The following RORA variants were observed in gnomAD, a reference collection of about 807,000 sequenced individuals.
The protein encoded by RORA is nuclear receptor ROR-alpha.
In RORA, 7 loss-of-function variants were observed where a neutral mutation model predicts 69.5. The observed-to-expected ratio is 0.10, with a 90% CI of 0.06 to 0.19. RORA has a LOEUF of 0.19. RORA is among the 10% of genes least tolerant of loss of function. The pLI is 1.00. For synonymous variants in RORA, 261 were observed against 240.8 expected, an observed-to-expected ratio of 1.08 and a Z score of -0.78; for missense variants, 457 against 663.0, an observed-to-expected ratio of 0.69 and a Z score of 3.41.
intron 1 of RORA, among the ~76,000 whole-genome samples, chr15:60,709,018 G>C (rs918971664): frequency 2.0e-5 from 3 of 152,120 alleles, no homozygotes; most frequent in African/African-American, 7.2e-5. Context: ...CCTATCCTAG[G>C]GAAGCTCCTG....
intron 1 of RORA, among the ~76,000 whole-genome samples, chr15:60,768,760 C>G (rs573223768): frequency 1.3e-5 from 2 of 152,256 alleles, no homozygotes; most frequent in African/African-American, 4.8e-5. Flanking sequence ...TTTGTTATTT[C>G]TAATGAACTC....
At chr15:60,773,312 C>T (rs1055731049) in intron 1 of RORA, among the ~76,000 whole-genome samples, 4 of 151,890 alleles carry the variant, frequency 2.6e-5, no homozygotes, top group African/African-American at 9.7e-5. Flanking sequence ...TACTGAAAAC[C>T]TTTTTTTTCT....
At chr15:60,908,101 T>C (rs17303244) in intron 1 of RORA, among the ~76,000 whole-genome samples, 19,153 of 152,172 alleles carry the variant, frequency 0.13, 1,904 homozygotes, top group East Asian at 0.53. Flanking sequence ...TCTCTGCCCA[T>C]AGCTCACCCA....
chr15:60,884,840 C>A (rs1355423220), intron 1 of RORA, among the ~76,000 whole-genome samples: 2 of 152,156 alleles, frequency 1.3e-5, no homozygotes, highest in Non-Finnish European at 2.9e-5. Context: ...CCCAAAAGAG[C>A]ACGGGAGTCA....
chr15:60,679,645 T>G (rs1160736668), intron 1 of RORA, among the ~76,000 whole-genome samples: 1 of 152,176 alleles, frequency 6.6e-6, no homozygotes. Flanking sequence ...TATTTAACCC[T>G]CCTTTGGAAA....
At chr15:60,826,912 T>C (rs1191082851) in intron 1 of RORA, among the ~76,000 whole-genome samples, 1 of 152,150 alleles carries the variant, frequency 6.6e-6, no homozygotes, top group African/African-American at 2.4e-5. Context: ...AGGTATATAA[T>C]TGGAGTCTGG....
rs2072872011 is a variant in RORA at position 60,819,913 on chromosome 15, C to A, written c.167-141227G>T. 2.0e-5 allele frequency among the ~76,000 whole-genome samples: 3 copies of A among 152,190 alleles called. No homozygotes were observed. In the South Asian group the frequency reaches 6.2e-4, roughly 31 times the overall value. ...CTTAAGTGAATCCCTGTGTTCTGAA[C>A]CGATCCTGCCTGCTTCCCTGCCTGC... On this transcript the variant is annotated intron_variant, in intron 1 of 10. Coordinates refer to ENST00000335670, the MANE Select transcript of RORA (RefSeq NM_134261.3).
chr15:60,972,697 C>A (rs775028536), intron 1 of RORA, among the ~76,000 whole-genome samples: 3 of 152,128 alleles, frequency 2.0e-5, no homozygotes, highest in Non-Finnish European at 4.4e-5. Flanking sequence ...CCAGGAAAAT[C>A]ATTTCAACTT....
At chr15:60,928,107 G>T (rs1595822409) in intron 1 of RORA, among the ~76,000 whole-genome samples, 1 of 152,214 alleles carries the variant, frequency 6.6e-6, no homozygotes, top group East Asian at 1.9e-4. Context: ...AATCTCTCTG[G>T]AACACTGAAC....
chr15:60,840,489 A>G (rs137938787), intron 1 of RORA, among the ~76,000 whole-genome samples: 38 of 152,370 alleles, frequency 2.5e-4, no homozygotes, highest in East Asian at 1.9e-3. Context: ...GCCATGACTC[A>G]TAGAACCCTG....
chr15:60,745,201 TA>T, intron 1 of RORA, among the ~76,000 whole-genome samples: 1 of 152,266 alleles, frequency 6.6e-6, no homozygotes, highest in South Asian at 2.1e-4. Flanking sequence ...TCGCACACTC[TA>T]AATTTGCTTC....
intron 4 of RORA, among the ~76,000 whole-genome samples, chr15:60,514,324 C>T (rs1326743284): frequency 6.6e-6 from 1 of 152,126 alleles, no homozygotes; most frequent in Non-Finnish European, 1.5e-5. Context: ...AGTCAATCGA[C>T]CCACCTATAA....
chr15:60,875,136 A>T (rs973718145), intron 1 of RORA, among the ~76,000 whole-genome samples: 1 of 152,206 alleles, frequency 6.6e-6, no homozygotes, highest in East Asian at 1.9e-4. Context: ...CTGACCCCTA[A>T]GCTGGAATGT....
At chr15:60,548,915 G>A (rs941590587) in intron 2 of RORA, among the ~76,000 whole-genome samples, 4 of 152,118 alleles carry the variant, frequency 2.6e-5, no homozygotes, top group African/African-American at 7.2e-5. Context: ...ATGAGCCACC[G>A]CGCCTGGCCA....
At chr15:61,138,638 G>C (rs2140859150) in intron 1 of RORA, among the ~76,000 whole-genome samples, 1 of 152,152 alleles carries the variant, frequency 6.6e-6, no homozygotes, top group South Asian at 2.1e-4. Flanking sequence ...CATAGATAGA[G>C]AAGCTCCTAG....
intron 1 of RORA, among the ~76,000 whole-genome samples, chr15:60,800,957 TC>T (rs1777130883): frequency 3.3e-5 from 5 of 152,234 alleles, no homozygotes; most frequent in African/African-American, 1.2e-4. Flanking sequence ...CCCAATACTT[TC>T]TGCAGTGCTT....
At chr15:60,998,819 C>T (rs1413972961) in intron 1 of RORA, among the ~76,000 whole-genome samples, 1 of 152,210 alleles carries the variant, frequency 6.6e-6, no homozygotes. Context: ...TGTAGAATCT[C>T]GAAACAACAC....
At chr15:61,011,916 A>G (rs148057896) in intron 1 of RORA, among the ~76,000 whole-genome samples, 373 of 152,368 alleles carry the variant, frequency 2.4e-3, no homozygotes, top group Middle Eastern at 0.024. Flanking sequence ...TGTTTTCTCC[A>G]CAGCTTCCCT....
At chr15:61,137,068 A>C (rs909189981) in intron 1 of RORA, among the ~76,000 whole-genome samples, 1 of 149,504 alleles carries the variant, frequency 6.7e-6, no homozygotes, top group African/African-American at 2.5e-5. Context: ...AGAAAGAAAG[A>C]AAGAAAGAAA....
Sources: allele counts gnomAD v4.1 joint callset (sites outside exome capture counted in the v4.1 genomes callset), GRCh38; gene constraint gnomAD v4.1.1; transcripts MANE v1.5; gene names NCBI Gene and HGNC (gene_info 2026-07-23, HGNC 2026-07-21).